Variants in DDX31 observed in about 807,000 individuals in gnomAD.
DDX31 encodes ATP-dependent DNA helicase DDX31.
A neutral mutation model predicts 91.3 loss-of-function variants in DDX31; 70 were observed. The observed-to-expected ratio is 0.77, with a 90% CI of 0.63 to 0.94. The LOEUF (loss-of-function observed/expected upper bound fraction) is 0.94. Ranked by LOEUF, DDX31 falls within the 40% of genes least tolerant of loss-of-function variation. DDX31 has a pLI of 0.00. For missense variants in DDX31, 902 were observed against 925.0 expected (o/e 0.98, Z 0.32); for synonymous variants, 362 against 350.6 (o/e 1.03, Z -0.36).
At chr9:132,627,995 C>T (rs186922021) in intron 16 of DDX31, among the ~76,000 whole-genome samples, 50 of 152,364 alleles carry the variant, frequency 3.3e-4, no homozygotes, top group Non-Finnish European at 6.0e-4. Flanking sequence ...CCACTGCGCA[C>T]TTTGCAACTA....
At chr9:132,610,419 G>T (rs1831257532) in intron 19 of DDX31, among the ~76,000 whole-genome samples, 1 of 152,152 alleles carries the variant, frequency 6.6e-6, no homozygotes, top group African/African-American at 2.4e-5. Flanking sequence ...TGTCCTATGT[G>T]AGAGTTATTA....
At chr9:132,647,183 AC>A in intron 11 of DDX31, 125 bp from the exon 12 acceptor site, 1 of 832,794 alleles carries the variant, frequency 1.2e-6, no homozygotes, top group South Asian at 1.6e-5. Flanking sequence ...CATGGGTATC[AC>A]CAAGTCCCAG....
chr9:132,660,182 A>C, intron 4 of DDX31, among the ~76,000 whole-genome samples: 1 of 152,146 alleles, frequency 6.6e-6, no homozygotes, highest in Admixed American at 6.5e-5. Flanking sequence ...AAAAATACAA[A>C]AAATTAGCTG....
intron 18 of DDX31, among the ~76,000 whole-genome samples, chr9:132,614,352 T>C (rs1382152081): frequency 6.6e-6 from 1 of 152,098 alleles, no homozygotes; most frequent in Non-Finnish European, 1.5e-5. Context: ...TCAAATGGTC[T>C]GTACTGTTTG....
intron 1 of DDX31, among the ~76,000 whole-genome samples, chr9:132,668,435 C>T (rs957283815): frequency 2.0e-5 from 3 of 152,164 alleles, no homozygotes; most frequent in African/African-American, 4.8e-5. Context: ...ACGAACCTTC[C>T]TCATGGCGAC....
At chr9:132,657,322 C>T (rs759143028) in intron 6 of DDX31, among the ~76,000 whole-genome samples, 15 of 152,206 alleles carry the variant, frequency 9.9e-5, no homozygotes, top group Non-Finnish European at 2.2e-4. Flanking sequence ...AATTTCCACA[C>T]ACCCTTCTCT....
chr9:132,669,778 C>G, intron 1 of DDX31, 82 bp downstream of exon 1: 4 of 1,518,964 alleles, frequency 2.6e-6, no homozygotes, highest in Non-Finnish European at 3.5e-6. Flanking sequence ...CGAAACCCGA[C>G]TCCAAGGCAC....
chr9:132,661,308 A>T (rs550109762), intron 3 of DDX31, 57 bp from the exon 4 acceptor site: 7 of 1,364,880 alleles, frequency 5.1e-6, no homozygotes, highest in Non-Finnish European at 6.2e-6. Flanking sequence ...TATTTAACGG[A>T]AATTACACAA....
chr9:132,597,025 G>A (rs1166989332), intron 19 of DDX31, among the ~76,000 whole-genome samples: 1 of 152,140 alleles, frequency 6.6e-6, no homozygotes, highest in African/African-American at 2.4e-5. Flanking sequence ...AGACATATAA[G>A]GGGGTAGCTG....
chr9:132,631,980 G>T, intron 15 of DDX31, 61 bp downstream of exon 15: 1 of 1,429,624 alleles, frequency 7.0e-7, no homozygotes, highest in Non-Finnish European at 9.7e-7. Context: ...TAAAGCCAAT[G>T]CATCTACTCA....
chr9:132,669,714 A>T, intron 1 of DDX31, 146 bp downstream of exon 1: 1 of 1,533,200 alleles, frequency 6.5e-7, no homozygotes, highest in African/African-American at 1.4e-5. Flanking sequence ...GTTTCGGCGC[A>T]ACTTGTCCCG....
intron 17 of DDX31, among the ~76,000 whole-genome samples, chr9:132,623,060 G>A (rs1410986774): frequency 2.0e-5 from 3 of 151,116 alleles, no homozygotes; most frequent in Non-Finnish European, 2.9e-5. Flanking sequence ...AACCCAGGAG[G>A]CAGAGGTTGC....
chr9:132,612,728 T>A (rs1013729341), intron 18 of DDX31, among the ~76,000 whole-genome samples: 1 of 152,246 alleles, frequency 6.6e-6, no homozygotes, highest in Non-Finnish European at 1.5e-5. Context: ...TACTTTTGAA[T>A]AGTTAATGCA....
chr9:132,617,819 A>C (rs1423835311), intron 18 of DDX31, among the ~76,000 whole-genome samples: 1 of 152,190 alleles, frequency 6.6e-6, no homozygotes, highest in Non-Finnish European at 1.5e-5. Flanking sequence ...TCTGAATATT[A>C]AGTCAACACC....
At chr9:132,632,241 T>TAC (rs57020423) in intron 14 of DDX31, 150 bp from the exon 15 acceptor site, 1,548 of 93,882 alleles carry the variant, frequency 0.016, 73 homozygotes, top group African/African-American at 0.027. Context: ...CCAGTACGTG[T>TAC]ACACACACAC....
chr9:132,625,553 A>C, intron 17 of DDX31, 111 bp downstream of exon 17: 1 of 811,320 alleles, frequency 1.2e-6, no homozygotes, highest in Non-Finnish European at 2.1e-6. Flanking sequence ...ATGGTTCTTA[A>C]AATAAATGTA....
At chr9:132,656,698 T>C (rs1834589724) in intron 6 of DDX31, among the ~76,000 whole-genome samples, 1 of 152,154 alleles carries the variant, frequency 6.6e-6, no homozygotes, top group African/African-American at 2.4e-5. Context: ...ATCTCTCTCA[T>C]CCTCCAGTCA....
chr9:132,658,587 T>C, intron 6 of DDX31, 84 bp downstream of exon 6: 1 of 1,254,840 alleles, frequency 8.0e-7, no homozygotes, highest in Non-Finnish European at 1.1e-6. Context: ...CAGATTCTTT[T>C]AGTCCTAATA....
chr9:132,627,325 C>T (rs947904933), intron 16 of DDX31, among the ~76,000 whole-genome samples: 1 of 152,160 alleles, frequency 6.6e-6, no homozygotes, highest in Non-Finnish European at 1.5e-5. Flanking sequence ...GGGAACCACA[C>T]ACCCTAAGCA....
Sources: gnomAD v4.1 joint callset for allele counts (sites outside exome capture counted in the v4.1 genomes callset) on GRCh38, gnomAD v4.1.1 for gene constraint, MANE v1.5 for transcripts, NCBI Gene and HGNC (gene_info 2026-07-23, HGNC 2026-07-21) for gene names.